Variants in UQCC1 observed in about 807,000 individuals in gnomAD.
The protein encoded by UQCC1 is ubiquinol-cytochrome c reductase complex assembly factor 1.
A neutral mutation model predicts 48.0 loss-of-function variants in UQCC1; 38 were observed. That is an observed-to-expected ratio of 0.79 (90% CI 0.61 to 1.04). The LOEUF (loss-of-function observed/expected upper bound fraction) is 1.04. UQCC1 is among the 50% of genes least tolerant of loss of function. The pLI, the probability that UQCC1 is intolerant of heterozygous loss-of-function variation, is 0.00. For missense variants in UQCC1, 368 were observed against 381.8 expected, an observed-to-expected ratio of 0.96 and a Z score of 0.30; for synonymous variants, 111 against 129.2, an observed-to-expected ratio of 0.86 and a Z score of 0.95.
intron 7 of UQCC1, among the ~76,000 whole-genome samples, chr20:35,323,074 C>T (rs1324252735): frequency 2.0e-5 from 3 of 152,172 alleles, no homozygotes; most frequent in Non-Finnish European, 4.4e-5. Context: ...GTCTTGACCT[C>T]CTGACCTTGT....
chr20:35,367,244 T>C (rs1057343378), intron 5 of UQCC1, among the ~76,000 whole-genome samples: 1 of 152,140 alleles, frequency 6.6e-6, no homozygotes, highest in African/African-American at 2.4e-5. Flanking sequence ...TTGCAGAATG[T>C]GGCCTAGATG....
intron 1 of UQCC1, among the ~76,000 whole-genome samples, chr20:35,396,329 T>C (rs1311088735): frequency 7.2e-6 from 1 of 138,322 alleles, no homozygotes; most frequent in Non-Finnish European, 1.5e-5. Flanking sequence ...TCTCACTACA[T>C]TCCCCAGGCT....
chr20:35,359,975 A>T (rs1443189915), intron 6 of UQCC1, among the ~76,000 whole-genome samples: 2 of 152,130 alleles, frequency 1.3e-5, no homozygotes, highest in African/African-American at 2.4e-5. Context: ...CAAACAGACA[A>T]GTTGGGTGAG....
chr20:35,350,308 T>G (rs1423693141), intron 6 of UQCC1, among the ~76,000 whole-genome samples: 12 of 152,092 alleles, frequency 7.9e-5, no homozygotes, highest in Admixed American at 7.9e-4. Flanking sequence ...GTCTGAAGAT[T>G]TGAATAATCA....
intron 8 of UQCC1, among the ~76,000 whole-genome samples, chr20:35,308,747 C>G (rs1381111159): frequency 6.6e-6 from 1 of 152,228 alleles, no homozygotes; most frequent in Non-Finnish European, 1.5e-5. Flanking sequence ...TGAAGTCTCA[C>G]TCTGTCACCC....
intron 1 of UQCC1, among the ~76,000 whole-genome samples, chr20:35,394,796 C>A (rs1414796685): frequency 2.0e-5 from 3 of 152,130 alleles, no homozygotes; most frequent in African/African-American, 7.2e-5. Context: ...CTGGAGTTAG[C>A]AGAGACCTCA....
intron 7 of UQCC1, among the ~76,000 whole-genome samples, chr20:35,331,231 C>G (rs1042062156): frequency 1.3e-5 from 2 of 152,104 alleles, no homozygotes; most frequent in African/African-American, 4.8e-5. Context: ...CTAACCCCAG[C>G]AGCTAAACTG....
intron 2 of UQCC1, among the ~76,000 whole-genome samples, chr20:35,387,909 T>C (rs1313855780): frequency 6.6e-6 from 1 of 152,112 alleles, no homozygotes; most frequent in Non-Finnish European, 1.5e-5. Context: ...GAAGATCTCC[T>C]GTATGTCTAG....
At chr20:35,371,936 A>AG (rs766115883) in intron 5 of UQCC1, among the ~76,000 whole-genome samples, 17 of 152,062 alleles carry the variant, frequency 1.1e-4, no homozygotes, top group Non-Finnish European at 1.6e-4. Flanking sequence ...GGGTTGCTTG[A>AG]GCCCAGGAGT....
intron 7 of UQCC1, among the ~76,000 whole-genome samples, chr20:35,317,022 G>A (rs1028844791): frequency 4.0e-5 from 6 of 151,212 alleles, no homozygotes; most frequent in Admixed American, 2.0e-4. Context: ...TGCAATCTCC[G>A]CCTCCCGGGT....
At chr20:35,385,006 G>A (rs1207462556) in intron 2 of UQCC1, among the ~76,000 whole-genome samples, 1 of 143,682 alleles carries the variant, frequency 7.0e-6, no homozygotes, top group Non-Finnish European at 1.5e-5. Context: ...ATTCAGCCCT[G>A]GAAACCTGGA....
At chr20:35,400,029 A>C (rs899692051) in intron 1 of UQCC1, among the ~76,000 whole-genome samples, 1 of 148,880 alleles carries the variant, frequency 6.7e-6, no homozygotes, top group Non-Finnish European at 1.5e-5. Flanking sequence ...GGATTCAAGC[A>C]ATTCTCCTGC....
intron 5 of UQCC1, among the ~76,000 whole-genome samples, chr20:35,367,225 T>C (rs1326705302): frequency 2.6e-5 from 4 of 152,228 alleles, no homozygotes; most frequent in Non-Finnish European, 1.5e-5. Flanking sequence ...GAGTCTTGGT[T>C]TTCTCACTTT....
intron 2 of UQCC1, chr20:35,392,109 T>C: frequency 3.1e-6 from 2 of 646,068 alleles, no homozygotes; most frequent in Non-Finnish European, 5.0e-6. Context: ...TACCACTGCC[T>C]GAATATTTCC....
intron 1 of UQCC1, among the ~76,000 whole-genome samples, chr20:35,404,601 G>A (rs998351653): frequency 7.5e-4 from 114 of 151,044 alleles, no homozygotes; most frequent in African/African-American, 2.6e-3. Context: ...CACCATCATG[G>A]CACATGTATA....
intron 1 of UQCC1, among the ~76,000 whole-genome samples, chr20:35,399,929 T>C (rs1372262483): frequency 6.8e-6 from 1 of 146,480 alleles, no homozygotes; most frequent in Admixed American, 6.7e-5. Flanking sequence ...TCAGTCCTTT[T>C]TTTTTTTTTT....
At position 35,304,954 on chromosome 20, in the gene UQCC1, C is replaced by T. The variant is rs2060912119; in HGVS notation, c.766-885G>A. The stretch of plus-strand genomic sequence containing the variant: ...CTCCTCCCTTACAGTGACTCCATTT[C>T]TGCCCCCAGTGCCACCCCTCTGCCC... On this transcript the variant is annotated intron_variant, in intron 9 of 9. Coordinates refer to ENST00000374385, the MANE Select transcript of UQCC1 (RefSeq NM_018244.5). Among the ~76,000 whole-genome samples the T allele has an allele frequency of 5.3e-5, 8 of 152,226 alleles. No individual in the cohort carries two copies. The South Asian group carries it at 1.7e-3, about 32-fold the overall frequency.
At chr20:35,381,851 A>G in intron 4 of UQCC1, 67 bp downstream of exon 4, 1 of 959,080 alleles carries the variant, frequency 1.0e-6, no homozygotes. Flanking sequence ...GAAGCTTTAA[A>G]AAATCTATTA....
chr20:35,360,875 TC>T (rs2061598586), intron 6 of UQCC1, among the ~76,000 whole-genome samples: 1 of 152,022 alleles, frequency 6.6e-6, no homozygotes, highest in Admixed American at 6.6e-5. Context: ...GAGACCCCTA[TC>T]CCCTGACCAC....
Sources: gnomAD v4.1 joint callset for allele counts (sites outside exome capture counted in the v4.1 genomes callset) on GRCh38, gnomAD v4.1.1 for gene constraint, MANE v1.5 for transcripts, NCBI Gene and HGNC (gene_info 2026-07-23, HGNC 2026-07-21) for gene names.